The following CNTNAP5 variants were observed in gnomAD, a reference collection of about 807,000 sequenced individuals.
The protein encoded by CNTNAP5 is contactin associated protein family member 5.
CNTNAP5 carries 72 observed loss-of-function variants against 150.2 expected under a neutral mutation model. The observed-to-expected ratio is 0.48, with a 90% CI of 0.40 to 0.58. The LOEUF (loss-of-function observed/expected upper bound fraction) is 0.58, where lower values mean the gene tolerates loss of function less well. Ranked by LOEUF, CNTNAP5 falls within the 20% of genes least tolerant of loss-of-function variation. The probability of loss-of-function intolerance (pLI) is 0.00; values close to 1 mark genes in which losing one functional copy is unlikely to be tolerated. For synonymous variants in CNTNAP5, 672 were observed against 619.8 expected (o/e 1.08, Z -1.25); for missense variants, 1,636 against 1,626.2 (o/e 1.01, Z -0.10).
intron 1 of CNTNAP5, among the ~76,000 whole-genome samples, chr2:124,100,081 G>A (rs923550993): frequency 2.6e-5 from 4 of 152,052 alleles, no homozygotes; most frequent in African/African-American, 7.2e-5. Context: ...TTTTCTCACC[G>A]TTATGCAGCT....
In CNTNAP5 at chr2:124,222,654, G is replaced by GGATATCTAATGA. The variant is rs553146239; in HGVS notation, c.187+845_187+846insGATATCTAATGA. Among the ~76,000 whole-genome samples the GGATATCTAATGA allele has an allele frequency of 3.8e-3, 574 of 151,256 alleles. 4 individuals carry two copies. The highest frequency in any genetic ancestry group is 0.013 in the African/African-American group (554 of 41,272). ...AGTATATTTTCCATTGATATCTTAA[G>GGATATCTAATGA]TAGGTTACATTAGCAGGTTTTTGCA... On this transcript the variant is annotated intron_variant, in intron 2 of 23. Coordinates refer to ENST00000682447, the MANE Select transcript of CNTNAP5 (RefSeq NM_001367498.1).
In CNTNAP5 at chr2:124,227,634, GTGTGTA is replaced by G. The variant is rs1251266897; in HGVS notation, c.187+5831_187+5836del. ...TATACAAATATAAACTCAGCACATC[GTGTGTA>G]TGTGTGTGTGTGTGTGTGTGTGTGT... is the stretch of plus-strand genomic sequence containing the variant. On this transcript the variant is annotated intron_variant, in intron 2 of 23. Coordinates refer to ENST00000682447, the MANE Select transcript of CNTNAP5 (RefSeq NM_001367498.1). 3.8e-3 allele frequency among the ~76,000 whole-genome samples: 313 copies of G among 82,656 alleles called. 4 individuals carry two copies. The highest frequency in any genetic ancestry group is 0.012 in the African/African-American group (297 of 24,614). The allele number at this position is 82,656 out of a possible 152,430, so 54.2% of individuals were successfully genotyped here. A position where few individuals can be genotyped will look rare whatever the true frequency, so the allele number is the denominator to read the frequency against.
At chr2:124,170,117 C>T (rs1411815265) in intron 1 of CNTNAP5, among the ~76,000 whole-genome samples, 3 of 152,054 alleles carry the variant, frequency 2.0e-5, no homozygotes, top group Non-Finnish European at 4.4e-5. Flanking sequence ...GGGTAATCAT[C>T]TACAACAGGA....
intron 19 of CNTNAP5, among the ~76,000 whole-genome samples, chr2:124,831,928 T>C (rs1039439517): frequency 1.3e-5 from 2 of 152,076 alleles, no homozygotes; most frequent in Admixed American, 6.6e-5. Context: ...GAATATCAAG[T>C]GTTTACCTAA....
In CNTNAP5 at chr2:124,644,905, T is replaced by TACACAC. The variant is rs3039906; in HGVS notation, c.1877-2836_1877-2831dup. 1.5e-3 allele frequency among the ~76,000 whole-genome samples: 224 copies of TACACAC among 150,232 alleles called. 1 individual carries two copies. Among genetic ancestry groups the TACACAC allele is most frequent in the African/African-American group, 5.3e-3 (219 of 40,944 alleles). Reference sequence around the variant, plus strand: ...TATATATCATATGATCACACACACATACACACACACACACACACACACTGT... The same window carrying TACACAC: ...TATATATCATATGATCACACACACATACACACACACACACACACACACACACACTGT... On this transcript the variant is annotated intron_variant, in intron 12 of 23. Coordinates refer to ENST00000682447, the MANE Select transcript of CNTNAP5 (RefSeq NM_001367498.1).
chr2:124,836,547 C>T (rs1312000928), intron 19 of CNTNAP5, among the ~76,000 whole-genome samples: 1 of 152,048 alleles, frequency 6.6e-6, no homozygotes, highest in Non-Finnish European at 1.5e-5. Flanking sequence ...CTCATAGTGG[C>T]TATCATGCTC....
At chr2:124,501,952 G>A (rs371156695) in intron 7 of CNTNAP5, among the ~76,000 whole-genome samples, 4 of 152,180 alleles carry the variant, frequency 2.6e-5, no homozygotes, top group African/African-American at 9.7e-5. Flanking sequence ...TAGATAGCTG[G>A]AGTGGCTTCA....
At chr2:124,451,077 T>TATACAC (rs755084840) in intron 6 of CNTNAP5, among the ~76,000 whole-genome samples, 1,061 of 61,220 alleles carry the variant, frequency 0.017, 31 homozygotes, top group Non-Finnish European at 0.02. Flanking sequence ...TATATATATA[T>TATACAC]ACACACACAC....
At chr2:124,538,362 C>T (rs2104902809) in intron 10 of CNTNAP5, among the ~76,000 whole-genome samples, 1 of 152,232 alleles carries the variant, frequency 6.6e-6, no homozygotes, top group South Asian at 2.1e-4. Flanking sequence ...CCTATAATCC[C>T]AGCTGATGGG....
At chr2:124,890,522 A>G (rs1372148666) in intron 21 of CNTNAP5, among the ~76,000 whole-genome samples, 1 of 152,034 alleles carries the variant, frequency 6.6e-6, no homozygotes, top group Admixed American at 6.6e-5. Flanking sequence ...TCACTTCTCA[A>G]ATAAACTACT....
chr2:124,521,334 T>C (rs1264547391), intron 8 of CNTNAP5, among the ~76,000 whole-genome samples: 3 of 152,034 alleles, frequency 2.0e-5, no homozygotes, highest in African/African-American at 7.2e-5. Context: ...ACTGCAGGCA[T>C]TGGGGAACAT....
chr2:124,541,220 G>GTTTTTTTT (rs1398453380), intron 10 of CNTNAP5, among the ~76,000 whole-genome samples: 1 of 76,106 alleles, frequency 1.3e-5, no homozygotes, highest in African/African-American at 5.2e-5. Context: ...TTTTTCACTG[G>GTTTTTTTT]TGTTTTAGCT....
intron 11 of CNTNAP5, 55 bp downstream of exon 11, chr2:124,563,378 A>G: frequency 2.0e-6 from 2 of 1,005,188 alleles, no homozygotes; most frequent in South Asian, 1.4e-5. Flanking sequence ...CAGGAACACC[A>G]TTGTTAACTT....
In CNTNAP5 at chr2:124,504,527, T is replaced by G. The variant is rs754038361; in HGVS notation, c.1298T>G (p.Met433Arg). 1 of 1,613,708 alleles carries G rather than the reference T, an allele frequency of 6.2e-7. No individual in the cohort carries two copies. The highest frequency in any genetic ancestry group is 8.5e-7 in the Non-Finnish European group (1 of 1,179,824). The change falls in exon 8 of 24, where the codon ATG becomes AGG. Residue 433 changes from methionine to arginine, a missense_variant. Physicochemically the swap from Met to Arg is moderately conservative, Grantham distance 91. Transcript: ENST00000682447. ...GGILRLVIQK[M>R]TERVAEILTG... is the part of the protein sequence containing the mutation. ...ATCCTGAGACTCGTGATTCAGAAAA[T>G]GACAGAACGCGTAGCTGAAATCCTC... is the stretch of plus-strand genomic sequence containing the variant.
rs187314074 is a variant in CNTNAP5 at position 124,425,564 on chromosome 2, A to T, written c.529+7974A>T. On this transcript the variant is annotated intron_variant, in intron 4 of 23. Coordinates refer to ENST00000682447, the MANE Select transcript of CNTNAP5 (RefSeq NM_001367498.1). ...AACCTGTCTATACCTTAGTGGAGTG[A>T]TCACTATCTTCTCACTGCCCACCAT... is the stretch of plus-strand genomic sequence containing the variant. Among the ~76,000 whole-genome samples, 248 of 152,240 alleles carry T rather than the reference A, an allele frequency of 1.6e-3. 4 individuals are homozygous for T. The highest frequency in any genetic ancestry group is 5.8e-3 in the South Asian group (28 of 4,816).
chr2:124,399,400 T>C (rs1691347753), intron 3 of CNTNAP5, among the ~76,000 whole-genome samples: 1 of 152,156 alleles, frequency 6.6e-6, no homozygotes, highest in African/African-American at 2.4e-5. Context: ...TATTCCTCTT[T>C]CCTGCAAGAA....
chr2:124,362,354 TATC>T (rs1424896172), intron 3 of CNTNAP5, among the ~76,000 whole-genome samples: 3 of 152,188 alleles, frequency 2.0e-5, no homozygotes, highest in Admixed American at 6.5e-5. Context: ...ACATCTTAAA[TATC>T]ATTAACAAGA....
chr2:124,029,707 T>G (rs2104618955), intron 1 of CNTNAP5, among the ~76,000 whole-genome samples: 1 of 152,194 alleles, frequency 6.6e-6, no homozygotes, highest in East Asian at 1.9e-4. Context: ...TGGATCTCGG[T>G]TTCCCTTTAC....
intron 13 of CNTNAP5, among the ~76,000 whole-genome samples, chr2:124,711,503 A>G (rs1679807216): frequency 6.6e-6 from 1 of 152,106 alleles, no homozygotes; most frequent in South Asian, 2.1e-4. Flanking sequence ...TGTAACAGTG[A>G]AGATGCTTTC....
Sources: gnomAD v4.1 joint callset for allele counts (sites outside exome capture counted in the v4.1 genomes callset) on GRCh38, gnomAD v4.1.1 for gene constraint, MANE v1.5 for transcripts, NCBI Gene and HGNC (gene_info 2026-07-23, HGNC 2026-07-21) for gene names.